The following FBXL2 variants were observed in gnomAD, a reference collection of about 807,000 sequenced individuals.
The protein encoded by FBXL2 is F-box/LRR-repeat protein 2.
Under a neutral mutation model 69.2 loss-of-function variants are expected in FBXL2, and 38 were observed. The observed-to-expected ratio is 0.55, with a 90% CI of 0.42 to 0.72. The LOEUF (loss-of-function observed/expected upper bound fraction) is 0.72. Ranked by LOEUF, FBXL2 falls within the 30% of genes least tolerant of loss-of-function variation. The pLI is 0.00. For missense variants in FBXL2, 354 were observed against 520.3 expected, an observed-to-expected ratio of 0.68 and a Z score of 3.11; for synonymous variants, 192 against 201.3, an observed-to-expected ratio of 0.95 and a Z score of 0.39.
At chr3:33,390,404 G>C, downstream of FBXL2, 3 of 1,613,460 alleles carry the variant, frequency 1.9e-6, no homozygotes, top group Non-Finnish European at 2.5e-6. Context: ...TCTTCAGTCA[G>C]GCTTAGGAAA....
rs2043481669 is a variant in FBXL2 at position 33,386,964 on chromosome 3, T to TATTA, written c.*1357_*1360dup. On this transcript the variant is annotated 3_prime_UTR_variant, in exon 15 of 15. Transcript: ENST00000484457. ...GTGTTCCCATGACTACCAATACCTT[T>TATTA]ATTAGGCAGTTTTAGAAGTGTTTTT... The TATTA allele has an allele frequency of 6.6e-6, 1 of 152,166 alleles. No individual in the cohort carries two copies. The highest frequency in any genetic ancestry group is 1.9e-4 in the East Asian group (1 of 5,196). 9.4% of individuals were successfully genotyped at this position (152,166 alleles called of 1,614,324 possible). A position where few individuals can be genotyped will look rare whatever the true frequency, so the allele number is the denominator to read the frequency against.
chr3:33,368,866 G>A (rs199728178), intron 5 of FBXL2, among the ~76,000 whole-genome samples: 2 of 151,654 alleles, frequency 1.3e-5, no homozygotes, highest in East Asian at 3.9e-4. Flanking sequence ...GATTACAGGC[G>A]TGAGCCACCG....
At chr3:33,359,414 C>T (rs2154041297) in intron 4 of FBXL2, 57 bp downstream of exon 4, 1 of 1,217,914 alleles carries the variant, frequency 8.2e-7, no homozygotes, top group Non-Finnish European at 1.2e-6. Context: ...AGCTGTTCCC[C>T]CTTTCCTGAC....
intron 2 of FBXL2, among the ~76,000 whole-genome samples, chr3:33,341,042 C>T (rs1418808535): frequency 6.6e-6 from 1 of 152,030 alleles, no homozygotes; most frequent in Non-Finnish European, 1.5e-5. Context: ...TTTAGAATGT[C>T]ACCATTTTAC....
the FBXL2 span, chr3:33,412,581 C>CAA: frequency 8.1e-4 from 404 of 500,488 alleles, no homozygotes; most frequent in Middle Eastern, 1.1e-3. Flanking sequence ...GGCTCTGTCT[C>CAA]AAAAAAAAAA....
chr3:33,412,252 G>C, the FBXL2 span, among the ~76,000 whole-genome samples: 2 of 150,242 alleles, frequency 1.3e-5, no homozygotes, highest in Non-Finnish European at 3.0e-5. Context: ...TAAAATTCCA[G>C]GTTCACATTA....
downstream of FBXL2, among the ~76,000 whole-genome samples, chr3:33,404,267 C>G (rs2044352685): frequency 6.6e-6 from 1 of 152,088 alleles, no homozygotes; most frequent in Non-Finnish European, 1.5e-5. Context: ...AAAAACTTAG[C>G]TGGGCGTAGT....
Position 33,286,258 on chromosome 3 carries a change from T to A in FBXL2, c.3+8743T>A, listed in dbSNP as rs545947417. Reference sequence around the variant, plus strand: ...TGTTTGTTAGTTTTCCTTCTAACAGTCAGGACCCTCAGCTGCAGGTCTGTT... The same window carrying A: ...TGTTTGTTAGTTTTCCTTCTAACAGACAGGACCCTCAGCTGCAGGTCTGTT... On this transcript the variant is annotated intron_variant, in intron 1 of 14. Coordinates refer to ENST00000484457, the MANE Select transcript of FBXL2 (RefSeq NM_012157.5). Among the ~76,000 whole-genome samples, 45 of 152,314 alleles carry A rather than the reference T, an allele frequency of 3.0e-4. 1 individual carries two copies. Among genetic ancestry groups the A allele is most frequent in the African/African-American group, 1.0e-3 (42 of 41,564 alleles).
chr3:33,415,520 AGATATATTTATTATATACCACCATAT>A, the FBXL2 span, among the ~76,000 whole-genome samples: 6 of 152,226 alleles, frequency 3.9e-5, no homozygotes, highest in African/African-American at 1.4e-4. Flanking sequence ...GATATATACC[AGATATATTTATTATATACCACCATAT>A]GATGGATATA....
intron 5 of FBXL2, among the ~76,000 whole-genome samples, chr3:33,371,742 T>C (rs2042320485): frequency 6.6e-6 from 1 of 152,234 alleles, no homozygotes; most frequent in Non-Finnish European, 1.5e-5. Flanking sequence ...TGGGTGCAGA[T>C]ATTTTTGTAT....
chr3:33,365,366 G>A (rs1414811334), intron 5 of FBXL2, among the ~76,000 whole-genome samples: 3 of 150,284 alleles, frequency 2.0e-5, no homozygotes, highest in African/African-American at 7.4e-5. Flanking sequence ...TGCAACCTCT[G>A]CCTCCCAGGT....
chr3:33,335,631 T>A (rs1258987673), intron 2 of FBXL2, among the ~76,000 whole-genome samples: 1 of 152,144 alleles, frequency 6.6e-6, no homozygotes, highest in Admixed American at 6.5e-5. Flanking sequence ...CAAGGTAGAC[T>A]GCAAAAGGGA....
chr3:33,399,483 AAG>A (rs1489480663), intron 12 of FBXL2, among the ~76,000 whole-genome samples: 1 of 152,258 alleles, frequency 6.6e-6, no homozygotes, highest in Non-Finnish European at 1.5e-5. Flanking sequence ...TAGCAGTAAA[AAG>A]GATTAAACTA....
At chr3:33,379,044 A>G (rs571720692) in intron 13 of FBXL2, among the ~76,000 whole-genome samples, 1 of 151,364 alleles carries the variant, frequency 6.6e-6, no homozygotes, top group African/African-American at 2.4e-5. Context: ...GTCTCACTCT[A>G]TCGCCTAGGG....
At chr3:33,290,182 T>G (rs2035079585) in intron 1 of FBXL2, among the ~76,000 whole-genome samples, 1 of 152,190 alleles carries the variant, frequency 6.6e-6, no homozygotes, top group Non-Finnish European at 1.5e-5. Context: ...TGCTCAGATT[T>G]TAGCTTCTCC....
At chr3:33,335,222 A>C (rs1170258794) in intron 2 of FBXL2, among the ~76,000 whole-genome samples, 1 of 152,114 alleles carries the variant, frequency 6.6e-6, no homozygotes, top group Non-Finnish European at 1.5e-5. Flanking sequence ...GGTGAAAAAA[A>C]AAACTGAGAG....
chr3:33,408,938 G>C, the FBXL2 span: 13 of 903,164 alleles, frequency 1.4e-5, no homozygotes, highest in Admixed American at 2.6e-4. Context: ...CAAAACCCCA[G>C]CAGTGACAAA....
chr3:33,321,740 C>T (rs1355141571), intron 2 of FBXL2, among the ~76,000 whole-genome samples: 2 of 152,094 alleles, frequency 1.3e-5, no homozygotes, highest in Non-Finnish European at 2.9e-5. Context: ...AGGCTACACA[C>T]CTGTATGACA....
At chr3:33,417,157 T>C in the FBXL2 span, among the ~76,000 whole-genome samples, 1,864 of 152,228 alleles carry the variant, frequency 0.012, 28 homozygotes, top group Middle Eastern at 0.024. Flanking sequence ...TACCATAAAA[T>C]TCACATTTTT....
Sources: gnomAD v4.1 joint callset for allele counts (sites outside exome capture counted in the v4.1 genomes callset) on GRCh38, gnomAD v4.1.1 for gene constraint, MANE v1.5 for transcripts, NCBI Gene and HGNC (gene_info 2026-07-23, HGNC 2026-07-21) for gene names.